GPC5: variants seen among roughly 807,000 people sequenced by gnomAD.
GPC5 encodes the protein glypican 5.
GPC5 carries 47 observed loss-of-function variants against 53.9 expected under a neutral mutation model. The observed-to-expected ratio is 0.87, with a 90% CI of 0.69 to 1.11. GPC5 has a LOEUF of 1.11. Among genes scored for constraint, GPC5 ranks in the 50% most tolerant of loss-of-function variants. The pLI is 0.00. For missense variants in GPC5, 748 were observed against 713.1 expected (o/e 1.05, Z -0.56); for synonymous variants, 286 against 263.3 (o/e 1.09, Z -0.84).
chr13:91,463,171 G>A (rs117742717), intron 2 of GPC5, among the ~76,000 whole-genome samples: 2,688 of 152,040 alleles, frequency 0.018, 56 homozygotes, highest in South Asian at 0.038. Context: ...AAATCCTCCC[G>A]TATACTTTAA....
chr13:92,394,023 G>C (rs554965119), intron 7 of GPC5, among the ~76,000 whole-genome samples: 1 of 152,042 alleles, frequency 6.6e-6, no homozygotes, highest in Admixed American at 6.6e-5. Flanking sequence ...TCAGAGGTCT[G>C]CCAGGAATAA....
At chr13:92,102,828 C>T (rs979549614) in intron 6 of GPC5, among the ~76,000 whole-genome samples, 2 of 152,094 alleles carry the variant, frequency 1.3e-5, no homozygotes, top group Admixed American at 6.5e-5. Context: ...AAGGCATCTT[C>T]GTGGATTGAG....
intron 7 of GPC5, among the ~76,000 whole-genome samples, chr13:92,476,284 C>T (rs1265135583): frequency 6.6e-6 from 1 of 152,128 alleles, no homozygotes; most frequent in Non-Finnish European, 1.5e-5. Context: ...CCAAAAAACA[C>T]ATGAAAAAAT....
intron 5 of GPC5, among the ~76,000 whole-genome samples, chr13:91,871,507 A>C (rs1442760201): frequency 1.3e-5 from 2 of 152,310 alleles, no homozygotes; most frequent in Admixed American, 6.5e-5. Context: ...TCTAAAAAAA[A>C]GGTTAAAAAA....
intron 2 of GPC5, among the ~76,000 whole-genome samples, chr13:91,466,846 A>G (rs1348519593): frequency 6.6e-6 from 1 of 152,050 alleles, no homozygotes; most frequent in Non-Finnish European, 1.5e-5. Context: ...TTCTTTTGAA[A>G]ATTCTATTCA....
At chr13:91,878,345 CT>C (rs2039227217) in intron 5 of GPC5, among the ~76,000 whole-genome samples, 1 of 152,092 alleles carries the variant, frequency 6.6e-6, no homozygotes, top group African/African-American at 2.4e-5. Flanking sequence ...AAAATGAGTA[CT>C]TTTGTATTCA....
chr13:91,960,945 A>C (rs4309267), intron 6 of GPC5, among the ~76,000 whole-genome samples: 77,960 of 151,578 alleles, frequency 0.51, 20,560 homozygotes, highest in East Asian at 0.75. Context: ...TTCTAGAAGA[A>C]AACATAAGGG....
At chr13:92,001,760 A>T (rs2040557224) in intron 6 of GPC5, among the ~76,000 whole-genome samples, 1 of 152,196 alleles carries the variant, frequency 6.6e-6, no homozygotes. Context: ...ATACATTTTT[A>T]AAAAACAATC....
intron 7 of GPC5, among the ~76,000 whole-genome samples, chr13:92,362,868 T>A (rs1373222919): frequency 6.6e-6 from 1 of 151,792 alleles, no homozygotes; most frequent in Admixed American, 6.5e-5. Flanking sequence ...ATTTAACATA[T>A]GGCTTGTGCT....
At chr13:91,784,872 A>G (rs1006564734) in intron 5 of GPC5, among the ~76,000 whole-genome samples, 4 of 152,072 alleles carry the variant, frequency 2.6e-5, no homozygotes, top group African/African-American at 9.7e-5. Flanking sequence ...TATGTTGCCA[A>G]ACATTCAGAA....
chr13:92,722,731 A>T (rs17267362), intron 7 of GPC5, among the ~76,000 whole-genome samples: 1 of 151,634 alleles, frequency 6.6e-6, no homozygotes, highest in African/African-American at 2.4e-5. Context: ...AAGGAATAGA[A>T]CTCCAGAGTG....
At chr13:91,984,155 T>G (rs899171559) in intron 6 of GPC5, among the ~76,000 whole-genome samples, 5 of 152,248 alleles carry the variant, frequency 3.3e-5, no homozygotes, top group Non-Finnish European at 7.3e-5. Flanking sequence ...AAGTCAACAT[T>G]GTTTTAGCAA....
Position 91,479,846 on chromosome 13 carries a change from TATAAA to T in GPC5, c.325+30929_325+30933del, listed in dbSNP as rs1319492696. 9.9e-4 allele frequency among the ~76,000 whole-genome samples: 151 copies of T among 152,312 alleles called. 2 individuals are homozygous for T. Among genetic ancestry groups the T allele is most frequent in the Non-Finnish European group, 1.9e-4 (13 of 68,018 alleles). On this transcript the variant is annotated intron_variant, in intron 2 of 7. Transcript: ENST00000377067. ...AGACATATTGCAGAATGAAGGCAAA[TATAAA>T]ATAATTATTTTCCGTGGCACTTAAT...
chr13:92,842,312 A>T (rs575073040), intron 7 of GPC5, among the ~76,000 whole-genome samples: 1 of 152,250 alleles, frequency 6.6e-6, no homozygotes, highest in South Asian at 2.1e-4. Context: ...CAGCATGAAC[A>T]TCAGCATATT....
chr13:92,725,047 G>A (rs916925189), intron 7 of GPC5, among the ~76,000 whole-genome samples: 1 of 151,522 alleles, frequency 6.6e-6, no homozygotes, highest in Non-Finnish European at 1.5e-5. Context: ...TCATACTTTG[G>A]ATAGAGTTTC....
At chr13:92,433,260 G>A (rs1414607879) in intron 7 of GPC5, among the ~76,000 whole-genome samples, 2 of 152,074 alleles carry the variant, frequency 1.3e-5, no homozygotes, top group Non-Finnish European at 2.9e-5. Context: ...ACTGTAGCCT[G>A]AGAAGAAGGC....
intron 7 of GPC5, among the ~76,000 whole-genome samples, chr13:92,834,945 T>C (rs1027006686): frequency 4.6e-5 from 7 of 152,126 alleles, no homozygotes; most frequent in South Asian, 2.1e-4. Flanking sequence ...CTGTATTTAT[T>C]AGTCATGACT....
At chr13:91,708,100 C>T (rs1483820609) in intron 3 of GPC5, among the ~76,000 whole-genome samples, 2 of 152,024 alleles carry the variant, frequency 1.3e-5, no homozygotes, top group East Asian at 3.9e-4. Context: ...CAGTGCCAGA[C>T]CTCAAGCGAT....
intron 5 of GPC5, among the ~76,000 whole-genome samples, chr13:91,842,471 G>T (rs1594610602): frequency 6.7e-6 from 1 of 149,662 alleles, no homozygotes; most frequent in Non-Finnish European, 1.5e-5. Flanking sequence ...GGGAGGCCGA[G>T]ACGGGCGGAT....
Sources: gnomAD v4.1 joint callset for allele counts (sites outside exome capture counted in the v4.1 genomes callset) on GRCh38, gnomAD v4.1.1 for gene constraint, MANE v1.5 for transcripts, NCBI Gene and HGNC (gene_info 2026-07-23, HGNC 2026-07-21) for gene names.